Variants in ACSL6 observed in about 807,000 individuals in gnomAD.
ACSL6 encodes the protein acyl-CoA synthetase long chain family member 6, also known as long-chain-fatty-acid--CoA ligase 6.
Under a neutral mutation model 98.2 loss-of-function variants are expected in ACSL6, and 47 were observed. The observed-to-expected ratio is 0.48, with a 90% CI of 0.38 to 0.61. The LOEUF (loss-of-function observed/expected upper bound fraction) is 0.61. ACSL6 is among the 20% of genes least tolerant of loss of function. The pLI is 0.00. For missense variants in ACSL6, 761 were observed against 913.4 expected, an observed-to-expected ratio of 0.83 and a Z score of 2.15; for synonymous variants, 362 against 336.9, an observed-to-expected ratio of 1.07 and a Z score of -0.82.
intron 20 of ACSL6, among the ~76,000 whole-genome samples, chr5:131,957,762 G>T (rs1372334220): frequency 6.6e-6 from 1 of 152,336 alleles, no homozygotes; most frequent in African/African-American, 2.4e-5. Context: ...AATAATTTAT[G>T]TTGAGCTTTG....
At chr5:131,970,442 C>A (rs1404299124) in intron 14 of ACSL6, among the ~76,000 whole-genome samples, 1 of 150,736 alleles carries the variant, frequency 6.6e-6, no homozygotes, top group African/African-American at 2.4e-5. Flanking sequence ...CGGAGTCTCA[C>A]TCTGTCGCCC....
chr5:132,003,848 G>A (rs1755229294), intron 1 of ACSL6: 2 of 152,204 alleles, frequency 1.3e-5, no homozygotes, highest in African/African-American at 2.4e-5. Flanking sequence ...TCCAGAAAGA[G>A]GGTCAGCCCC....
At position 131,991,603 on chromosome 5, in the gene ACSL6, C is replaced by A. The variant is rs190760774; in HGVS notation, c.271-636G>T. On this transcript the variant is annotated intron_variant, in intron 2 of 20. Coordinates refer to ENST00000651883, the MANE Select transcript of ACSL6 (RefSeq NM_001009185.3). ...GCAAGTTCCTGGGCCCAAAGTGGCACGGGTGCAGAGTGGGAAGGTGGCAAA... is the reference window on the plus strand; with the variant it reads ...GCAAGTTCCTGGGCCCAAAGTGGCAAGGGTGCAGAGTGGGAAGGTGGCAAA... Among the ~76,000 whole-genome samples the A allele has an allele frequency of 7.6e-4, 116 of 152,208 alleles. 1 individual carries two copies. Among genetic ancestry groups the A allele is most frequent in the Non-Finnish European group, 4.4e-5 (3 of 68,020 alleles).
chr5:131,987,679 T>TAGG, intron 7 of ACSL6, among the ~76,000 whole-genome samples: 1 of 152,126 alleles, frequency 6.6e-6, no homozygotes, highest in African/African-American at 2.4e-5. Flanking sequence ...TAAGAACCTC[T>TAGG]CCCAGACTCC....
At chr5:131,996,885 G>A (rs570603676) in intron 1 of ACSL6, among the ~76,000 whole-genome samples, 18 of 152,360 alleles carry the variant, frequency 1.2e-4, no homozygotes, top group African/African-American at 4.3e-4. Context: ...ACTTAGGTAC[G>A]AGAGAGTCAG....
intron 1 of ACSL6, among the ~76,000 whole-genome samples, chr5:131,996,575 A>G (rs1754804057): frequency 6.6e-6 from 1 of 152,194 alleles, no homozygotes; most frequent in Non-Finnish European, 1.5e-5. Flanking sequence ...TGTATACCCC[A>G]AAAGTTTTAA....
chr5:131,989,541 C>A (rs2126896166), intron 4 of ACSL6, 33 bp from the exon 5 acceptor site: 2 of 1,064,030 alleles, frequency 1.9e-6, no homozygotes, highest in Non-Finnish European at 2.7e-6. Flanking sequence ...GATGGGAAAA[C>A]AAGGACTCTT....
chr5:131,996,612 A>T (rs943558060), intron 1 of ACSL6, among the ~76,000 whole-genome samples: 1 of 152,228 alleles, frequency 6.6e-6, no homozygotes, highest in Non-Finnish European at 1.5e-5. Flanking sequence ...ATACCTCATT[A>T]CCACCAGTCC....
At chr5:131,999,804 C>A (rs1356755620) in intron 1 of ACSL6, among the ~76,000 whole-genome samples, 1 of 152,230 alleles carries the variant, frequency 6.6e-6, no homozygotes, top group Non-Finnish European at 1.5e-5. Context: ...CCAGCCTTAA[C>A]CCTCACCCTG....
In ACSL6 at chr5:131,994,195, G is replaced by A. The variant is rs767774674; in HGVS notation, c.106C>T (p.Arg36Ter). 13 of 1,613,978 alleles carry A rather than the reference G, an allele frequency of 8.1e-6. No homozygotes were observed. The highest frequency in any genetic ancestry group is 3.3e-5 in the South Asian group (3 of 91,052). Residue 36 changes from arginine (R) to a stop codon, truncating the protein, a stop_gained, in exon 2 of 21, where the codon CGA becomes TGA. Coordinates refer to ENST00000651883, the MANE Select transcript of ACSL6 (RefSeq NM_001009185.3). LOFTEE classifies it high-confidence loss of function. ...CCCAAGTCACCTAGCTCAGGCAGTC[G>A]CAGTATCCTCAGGATCTCCTGTGTC... Reference protein sequence around the residue: ...MQTQEILRILRLPELGDLGQF... With the variant: ...MQTQEILRIL
intron 15 of ACSL6, among the ~76,000 whole-genome samples, chr5:131,969,271 C>A (rs993588008): frequency 1.3e-5 from 2 of 152,214 alleles, no homozygotes; most frequent in African/African-American, 4.8e-5. Context: ...AGATAGTCAG[C>A]AGAAACAGGA....
rs76060563 is a variant in ACSL6 at position 131,952,646 on chromosome 5, A to G, written c.*1588T>C. 1,170 of 213,144 alleles carry G rather than the reference A, an allele frequency of 5.5e-3. 6 individuals are homozygous for G. Among genetic ancestry groups the G allele is most frequent in the Non-Finnish European group, 7.0e-3 (735 of 105,610 alleles). 13.2% of individuals were successfully genotyped at this position (213,144 alleles called of 1,614,324 possible). A position where few individuals can be genotyped will look rare whatever the true frequency, so the allele number is the denominator to read the frequency against. On this transcript the variant is annotated 3_prime_UTR_variant, in exon 21 of 21. Transcript: ENST00000651883. ...CATGCCTTTTTCAGAGGCACAATCT[A>G]TAGCTTGGAACTTAATTGCTGTCCA...
intron 16 of ACSL6, among the ~76,000 whole-genome samples, chr5:131,967,720 G>A (rs1753093901): frequency 6.6e-6 from 1 of 150,832 alleles, no homozygotes; most frequent in Admixed American, 6.6e-5. Context: ...AAAAATCTGG[G>A]AATTCCAAAT....
intron 1 of ACSL6, among the ~76,000 whole-genome samples, chr5:132,000,917 T>A (rs1283914438): frequency 6.6e-6 from 1 of 152,130 alleles, no homozygotes; most frequent in Non-Finnish European, 1.5e-5. Flanking sequence ...CTGGAGCAGA[T>A]AACAGCTTCC....
In ACSL6 at chr5:131,953,060, A is replaced by C. The variant is rs1752233058; in HGVS notation, c.*1174T>G. The C allele has an allele frequency of 4.9e-6, 1 of 204,466 alleles. No homozygotes were observed. The highest frequency in any genetic ancestry group is 2.3e-5 in the African/African-American group (1 of 43,650). 12.7% of individuals were successfully genotyped at this position (204,466 alleles called of 1,614,324 possible). On this transcript the variant is annotated 3_prime_UTR_variant, in exon 21 of 21. Transcript: ENST00000651883. ...CCCCAGCAAGGAATGTAGGTACATT[A>C]ATTGCTGCCTACCCTGAGAAATAAC...
chr5:131,991,855 C>T (rs1023937801), intron 2 of ACSL6, among the ~76,000 whole-genome samples: 7 of 152,204 alleles, frequency 4.6e-5, no homozygotes, highest in Non-Finnish European at 7.3e-5. Context: ...AGCAAACAGC[C>T]GAACTCAAAA....
intron 1 of ACSL6, among the ~76,000 whole-genome samples, chr5:131,999,819 C>T (rs755050327): frequency 4.6e-5 from 7 of 152,196 alleles, no homozygotes; most frequent in Non-Finnish European, 1.0e-4. Flanking sequence ...ACCCTGCCAG[C>T]GTGCCAGAGC....
intron 20 of ACSL6, among the ~76,000 whole-genome samples, chr5:131,957,493 C>T (rs1752474612): frequency 6.6e-6 from 1 of 152,162 alleles, no homozygotes; most frequent in South Asian, 2.1e-4. Context: ...AATGGTTGGC[C>T]TAGTTCTAGG....
intron 3 of ACSL6, 23 bp downstream of exon 3, chr5:131,990,829 AC>A (rs5871439): frequency 0.99 from 1,545,271 of 1,554,358 alleles, 768,146 homozygotes; most frequent in Non-Finnish European, 1. Flanking sequence ...GCCCCTCCAC[AC>A]CCCCCCCCAC....
Sources: gnomAD v4.1 joint callset for allele counts (sites outside exome capture counted in the v4.1 genomes callset) on GRCh38, gnomAD v4.1.1 for gene constraint, MANE v1.5 for transcripts, NCBI Gene and HGNC (gene_info 2026-07-23, HGNC 2026-07-21) for gene names.